The following C2orf76 variants were observed in gnomAD, a reference collection of about 807,000 sequenced individuals.
C2orf76 encodes UPF0538 protein C2orf76.
A neutral mutation model predicts 16.9 loss-of-function variants in C2orf76; 23 were observed. That is an observed-to-expected ratio of 1.36 (90% CI 0.98 to 1.93). The LOEUF (loss-of-function observed/expected upper bound fraction) is 1.93. Among genes scored for constraint, C2orf76 ranks in the 30% most tolerant of loss-of-function variants. The pLI is 0.00. For missense variants in C2orf76, 152 were observed against 152.6 expected (o/e 1.00, Z 0.02); for synonymous variants, 48 against 52.3 (o/e 0.92, Z 0.35).
intron 1 of C2orf76, among the ~76,000 whole-genome samples, chr2:119,357,832 T>C (rs1286445683): frequency 6.6e-6 from 1 of 151,558 alleles, no homozygotes; most frequent in Non-Finnish European, 1.5e-5. Flanking sequence ...ACACAGAAAA[T>C]CCCAAGAATT....
the C2orf76 span, among the ~76,000 whole-genome samples, chr2:119,291,122 C>T: frequency 6.6e-6 from 1 of 152,148 alleles, no homozygotes; most frequent in Admixed American, 6.5e-5. Flanking sequence ...GACCTGCAGC[C>T]TGGACTTCTC....
At chr2:119,333,497 T>A (rs1321859589) in intron 2 of C2orf76, among the ~76,000 whole-genome samples, 2 of 152,226 alleles carry the variant, frequency 1.3e-5, no homozygotes, top group African/African-American at 4.8e-5. Flanking sequence ...AATGAAGGCA[T>A]AAACTGACAT....
At chr2:119,300,604 T>C (rs1170782096), downstream of C2orf76, among the ~76,000 whole-genome samples, 2 of 152,228 alleles carry the variant, frequency 1.3e-5, no homozygotes, top group Non-Finnish European at 2.9e-5. Context: ...AATAAACTCA[T>C]TGTTGGTTGA....
In C2orf76 at chr2:119,305,942, CAA is replaced by C. The variant is rs61325292; in HGVS notation, c.305-3396_305-3395del. On this transcript the variant is annotated intron_variant, in intron 5 of 5. Transcript: ENST00000334816. ...AACTAGCCAAAAAAAAAAACAACAA[CAA>C]AAAAAAAAAAAAACAAAAAAAACCT... Among the ~76,000 whole-genome samples, 183 of 119,672 alleles carry C rather than the reference CAA, an allele frequency of 1.5e-3. 4 individuals are homozygous for C. Among genetic ancestry groups the C allele is most frequent in the African/African-American group, 5.3e-3 (172 of 32,286 alleles). The allele number at this position is 119,672 out of a possible 152,430, so 78.5% of individuals were successfully genotyped here. A position where few individuals can be genotyped will look rare whatever the true frequency, so the allele number is the denominator to read the frequency against.
At chr2:119,312,076 G>A (rs975272308) in intron 4 of C2orf76, among the ~76,000 whole-genome samples, 2 of 152,126 alleles carry the variant, frequency 1.3e-5, no homozygotes, top group Non-Finnish European at 2.9e-5. Context: ...GACAGGATGG[G>A]GCATATAAAC....
At chr2:119,336,299 A>G (rs757320644) in intron 2 of C2orf76, among the ~76,000 whole-genome samples, 2 of 152,168 alleles carry the variant, frequency 1.3e-5, no homozygotes, top group Non-Finnish European at 2.9e-5. Context: ...AGGCTGAGGC[A>G]GGAGAATCGC....
chr2:119,358,977 T>C (rs985707782), intron 1 of C2orf76, among the ~76,000 whole-genome samples: 8 of 152,282 alleles, frequency 5.3e-5, no homozygotes, highest in East Asian at 1.9e-4. Flanking sequence ...AGGATCTGCA[T>C]AGCTAGGGAG....
At chr2:119,366,559 T>TCCCG in intron 1 of C2orf76, 1 of 461,932 alleles carries the variant, frequency 2.2e-6, no homozygotes, top group South Asian at 1.6e-5. Context: ...GAGGAGCGGG[T>TCCCG]CCCGCCCGCC....
At chr2:119,282,398 G>A in the C2orf76 span, among the ~76,000 whole-genome samples, 1 of 152,154 alleles carries the variant, frequency 6.6e-6, no homozygotes, top group Non-Finnish European at 1.5e-5. Context: ...CTTGGTCTGG[G>A]GTGATTCGGC....
intron 1 of C2orf76, among the ~76,000 whole-genome samples, chr2:119,365,514 A>G (rs78487555): frequency 0.019 from 2,865 of 152,288 alleles, 38 homozygotes; most frequent in South Asian, 0.054. Context: ...AACGTGACCT[A>G]CATTAAGTTA....
At chr2:119,350,717 C>A (rs1680376531) in intron 1 of C2orf76, among the ~76,000 whole-genome samples, 1 of 152,268 alleles carries the variant, frequency 6.6e-6, no homozygotes. Context: ...AGTCCTGGAG[C>A]CTGTGGTGGA....
chr2:119,292,364 GT>G, the C2orf76 span, among the ~76,000 whole-genome samples: 2 of 151,830 alleles, frequency 1.3e-5, no homozygotes, highest in African/African-American at 4.8e-5. Flanking sequence ...GTTTTGTTTT[GT>G]TTTTTTTCCA....
chr2:119,311,734 T>C (rs1453944030), intron 4 of C2orf76, 31 bp from the exon 5 acceptor site: 3 of 1,582,182 alleles, frequency 1.9e-6, no homozygotes. Context: ...CTGCATTTTA[T>C]CAGTACTTAC....
chr2:119,308,972 G>A lies in C2orf76; in HGVS notation c.304+2650C>T, dbSNP rs550773304. ...TGGACAATGCCACTTTTTCATGTCT[G>A]CTAATCTTATAACAATTGCTGCTGT... On this transcript the variant is annotated intron_variant, in intron 5 of 5. Transcript: ENST00000334816. Among the ~76,000 whole-genome samples the A allele has an allele frequency of 5.9e-5, 9 of 152,168 alleles. No homozygotes were observed. The South Asian group carries it at 1.9e-3, about 32-fold the overall frequency.
intron 5 of C2orf76, among the ~76,000 whole-genome samples, chr2:119,306,267 C>T (rs1314781778): frequency 6.6e-6 from 1 of 152,074 alleles, no homozygotes; most frequent in East Asian, 1.9e-4. Context: ...AACATCATCC[C>T]GAAAGAGAAG....
intron 2 of C2orf76, among the ~76,000 whole-genome samples, chr2:119,332,684 G>GT (rs1202371687): frequency 6.6e-6 from 1 of 152,154 alleles, no homozygotes. Flanking sequence ...CCGCTCTGTT[G>GT]TTTTACTCTC....
chr2:119,360,632 T>C (rs1189289053), intron 1 of C2orf76, among the ~76,000 whole-genome samples: 1 of 152,230 alleles, frequency 6.6e-6, no homozygotes, highest in African/African-American at 2.4e-5. Context: ...CATCATTTTA[T>C]GTCAGTGGTC....
At chr2:119,331,276 T>C (rs550581108) in intron 2 of C2orf76, among the ~76,000 whole-genome samples, 1 of 152,290 alleles carries the variant, frequency 6.6e-6, no homozygotes, top group South Asian at 2.1e-4. Flanking sequence ...CAGCTAATTT[T>C]GCTCTACTAC....
At chr2:119,347,841 C>T (rs1472251803) in intron 1 of C2orf76, among the ~76,000 whole-genome samples, 1 of 152,074 alleles carries the variant, frequency 6.6e-6, no homozygotes, top group African/African-American at 2.4e-5. Flanking sequence ...CACTTTCCCC[C>T]ACTTGGCCAC....
Sources: gnomAD v4.1 joint callset for allele counts (sites outside exome capture counted in the v4.1 genomes callset) on GRCh38, gnomAD v4.1.1 for gene constraint, MANE v1.5 for transcripts, NCBI Gene and HGNC (gene_info 2026-07-23, HGNC 2026-07-21) for gene names.